Variants in PARD3B observed in about 807,000 individuals in gnomAD.
PARD3B encodes par-3 family cell polarity regulator beta.
In PARD3B, 103 loss-of-function variants were observed where a neutral mutation model predicts 130.2. The ratio of observed to expected loss-of-function variants is 0.79; its 90% CI spans 0.67 to 0.93. The LOEUF is 0.93. PARD3B is among the 40% of genes least tolerant of loss of function. The probability of loss-of-function intolerance (pLI) is 0.00; values close to 1 mark genes in which losing one functional copy is unlikely to be tolerated. For missense variants in PARD3B, 1,609 were observed against 1,499.2 expected, an observed-to-expected ratio of 1.07 and a Z score of -1.21; for synonymous variants, 583 against 553.2, an observed-to-expected ratio of 1.05 and a Z score of -0.76.
intron 4 of PARD3B, among the ~76,000 whole-genome samples, chr2:205,064,627 A>G (rs933936747): frequency 1.3e-5 from 2 of 152,186 alleles, no homozygotes; most frequent in Non-Finnish European, 2.9e-5. Flanking sequence ...CTGCGCAGAC[A>G]TTCCCATAAG....
intron 4 of PARD3B, among the ~76,000 whole-genome samples, chr2:205,063,547 G>A (rs1460698702): frequency 6.6e-6 from 1 of 152,024 alleles, no homozygotes; most frequent in Non-Finnish European, 1.5e-5. Flanking sequence ...CTCAGCAGTT[G>A]ATTCAGTAAT....
intron 4 of PARD3B, among the ~76,000 whole-genome samples, chr2:205,102,786 C>A (rs558927028): frequency 1.3e-5 from 2 of 152,234 alleles, no homozygotes; most frequent in Admixed American, 1.3e-4. Flanking sequence ...AATAACTTGG[C>A]TGGGCGCGGT....
chr2:205,499,018 G>A (rs546934011), intron 20 of PARD3B, among the ~76,000 whole-genome samples: 68 of 152,190 alleles, frequency 4.5e-4, no homozygotes, highest in Middle Eastern at 3.4e-3. Flanking sequence ...AGATTTTAAC[G>A]TCTGGTGCAA....
chr2:204,805,354 T>C (rs2042728913), intron 2 of PARD3B, among the ~76,000 whole-genome samples: 1 of 151,996 alleles, frequency 6.6e-6, no homozygotes, highest in East Asian at 1.9e-4. Flanking sequence ...CCTACAAAGA[T>C]TGAACCATGA....
chr2:204,902,395 C>T (rs541460591), intron 2 of PARD3B, among the ~76,000 whole-genome samples: 52 of 152,130 alleles, frequency 3.4e-4, no homozygotes, highest in African/African-American at 1.1e-3. Flanking sequence ...TTCAGCCAGG[C>T]GCGGTGGCTC....
intron 2 of PARD3B, among the ~76,000 whole-genome samples, chr2:204,716,307 AAG>A (rs1418420220): frequency 6.6e-6 from 1 of 152,062 alleles, no homozygotes; most frequent in African/African-American, 2.4e-5. Context: ...CCCAGAAATG[AAG>A]AGTCTTGGGC....
intron 3 of PARD3B, among the ~76,000 whole-genome samples, chr2:205,042,734 G>A (rs1470857728): frequency 6.6e-6 from 1 of 151,988 alleles, no homozygotes; most frequent in Non-Finnish European, 1.5e-5. Context: ...GTGCTGGGGT[G>A]TACTGAAATG....
Position 204,636,453 on chromosome 2 carries a change from AGTGTGTGTGTGTGTGT to A in PARD3B, c.121-49706_121-49691del, listed in dbSNP as rs10596741. On this transcript the variant is annotated intron_variant, in intron 1 of 22. Coordinates refer to ENST00000406610, the MANE Select transcript of PARD3B (RefSeq NM_001302769.2). ...GAGCTAAGACTTTAGAGGTCAGGTG[AGTGTGTGTGTGTGTGT>A]GTGTGTGTGTGTGTGTGTGTGCAGT... is the stretch of plus-strand genomic sequence containing the variant. Among the ~76,000 whole-genome samples the A allele has an allele frequency of 8.9e-3, 1,235 of 139,480 alleles. 8 individuals are homozygous for A. The highest frequency in any genetic ancestry group is 0.03 in the African/African-American group (1,134 of 37,544). The allele number at this position is 139,480 out of a possible 152,430, so 91.5% of individuals were successfully genotyped here.
chr2:205,296,092 G>A (rs2041780731), intron 16 of PARD3B, among the ~76,000 whole-genome samples: 1 of 152,088 alleles, frequency 6.6e-6, no homozygotes, highest in South Asian at 2.1e-4. Context: ...GTTTAGAGGT[G>A]GTACAAAAGT....
Position 205,245,821 on chromosome 2 carries a change from G to A in PARD3B, c.2184G>A (p.Ser728=), listed in dbSNP as rs750505828. The part of the protein sequence containing the change: ...SKVHSLAGQK[S]ESPSKDFGPT... ...TTCACTCATTGGCTGGACAAAAATC[G>A]GGTAAGAAATTCCTTGTAACTGACT... The change falls in exon 16 of 23, where the codon TCG becomes TCA. Residue 728 remains serine, a splice_region_variant and synonymous_variant. Transcript: ENST00000406610. 3.4e-5 allele frequency: 54 copies of A among 1,590,482 alleles called. No individual in the cohort carries two copies. The highest frequency in any genetic ancestry group is 3.3e-4 in the Admixed American group (20 of 59,914).
intron 2 of PARD3B, among the ~76,000 whole-genome samples, chr2:204,811,935 A>T (rs1158265565): frequency 6.6e-6 from 1 of 152,108 alleles, no homozygotes; most frequent in African/African-American, 2.4e-5. Context: ...TTATTTAAGT[A>T]CTTTTTTTAA....
chr2:205,360,216 T>TTTA (rs1275690273), intron 18 of PARD3B, among the ~76,000 whole-genome samples: 5 of 152,228 alleles, frequency 3.3e-5, no homozygotes, highest in South Asian at 4.2e-4. Flanking sequence ...CTGTAAATTC[T>TTTA]TTATTGACAT....
chr2:204,601,312 A>G (rs1242311064), intron 1 of PARD3B, among the ~76,000 whole-genome samples: 8 of 151,988 alleles, frequency 5.3e-5, no homozygotes, highest in Non-Finnish European at 8.8e-5. Context: ...TGAATAGATT[A>G]AAGAAATCAA....
intron 1 of PARD3B, among the ~76,000 whole-genome samples, chr2:204,646,213 T>C (rs943890163): frequency 7.2e-5 from 11 of 152,122 alleles, no homozygotes; most frequent in Non-Finnish European, 1.0e-4. Context: ...AAATGGAATG[T>C]TGCTTGCACC....
intron 18 of PARD3B, among the ~76,000 whole-genome samples, chr2:205,320,335 C>G (rs2042710947): frequency 6.6e-6 from 1 of 152,118 alleles, no homozygotes; most frequent in South Asian, 2.1e-4. Context: ...ACCTTGATCA[C>G]TGGAATCTCT....
At chr2:204,959,568 T>C (rs181439433) in intron 2 of PARD3B, among the ~76,000 whole-genome samples, 61 of 152,336 alleles carry the variant, frequency 4.0e-4, no homozygotes, top group African/African-American at 1.4e-3. Flanking sequence ...TCTTCCACAA[T>C]GGTAGAACTA....
At chr2:205,482,254 A>G (rs1229129389) in intron 20 of PARD3B, among the ~76,000 whole-genome samples, 1 of 152,174 alleles carries the variant, frequency 6.6e-6, no homozygotes, top group East Asian at 1.9e-4. Context: ...AAAGAAACAG[A>G]CAATTAGATT....
intron 4 of PARD3B, among the ~76,000 whole-genome samples, chr2:205,076,445 C>A (rs1178441172): frequency 6.6e-6 from 1 of 152,160 alleles, no homozygotes; most frequent in Non-Finnish European, 1.5e-5. Flanking sequence ...TAAATGTTAA[C>A]ATACTTCAGG....
chr2:204,847,081 G>A (rs184982225), intron 2 of PARD3B, among the ~76,000 whole-genome samples: 1 of 151,888 alleles, frequency 6.6e-6, no homozygotes, highest in Non-Finnish European at 1.5e-5. Context: ...CTATCGCCAC[G>A]TATTTCTATA....
Sources: allele counts gnomAD v4.1 joint callset (sites outside exome capture counted in the v4.1 genomes callset), GRCh38; gene constraint gnomAD v4.1.1; transcripts MANE v1.5; gene names NCBI Gene and HGNC (gene_info 2026-07-23, HGNC 2026-07-21).